GJB5: variants seen among roughly 807,000 people sequenced by gnomAD.
GJB5 encodes the protein gap junction beta-5 protein.
For missense variants in GJB5, 333 were observed against 357.9 expected (o/e 0.93, Z 0.56); for synonymous variants, 146 against 145.5 (o/e 1.00, Z -0.02).
Position 34,757,857 on chromosome 1 carries a change from T to A in GJB5, c.527T>A (p.Phe176Tyr). 6.2e-7 allele frequency: 1 copy of A among 1,613,934 alleles called. No homozygotes were observed. Among genetic ancestry groups the A allele is most frequent in the Middle Eastern group, 1.6e-4 (1 of 6,062 alleles). ...CCATGTCCCAATATAGTGGACTGCT[T>A]CATCTCCAAGCCCTCAGAGAAGAAC... is the stretch of plus-strand genomic sequence containing the variant. ...ADPCPNIVDC[F>Y]ISKPSEKNIF... The change falls in exon 2 of 2, where the codon TTC becomes TAC. Residue 176 changes from phenylalanine (F) to tyrosine (Y), a missense_variant. Coordinates refer to ENST00000338513, the MANE Select transcript of GJB5 (RefSeq NM_005268.4).
At chr1:34,756,526 C>T (rs866206591) in intron 1 of GJB5, among the ~76,000 whole-genome samples, 1 of 152,230 alleles carries the variant, frequency 6.6e-6, no homozygotes, top group Non-Finnish European at 1.5e-5. Context: ...TTTAACTTTA[C>T]TAAACCCAAT....
In GJB5 at chr1:34,755,179, G is replaced by C. The variant is rs926266508; in HGVS notation, c.-41G>C. 6 of 152,404 alleles carry C rather than the reference G, an allele frequency of 3.9e-5. No individual in the cohort carries two copies. Among genetic ancestry groups the C allele is most frequent in the African/African-American group, 1.4e-4 (6 of 41,476 alleles). 9.4% of individuals were successfully genotyped at this position (152,404 alleles called of 1,614,324 possible). On this transcript the variant is annotated 5_prime_UTR_variant, in exon 1 of 2. Coordinates refer to ENST00000338513, the MANE Select transcript of GJB5 (RefSeq NM_005268.4). ...GGCTGCTGGGAGCCAGGAGAGCCCT[G>C]AGGAGTAGTCACTCAGGTAAGGGCA...
At chr1:34,757,279 G>A in intron 1 of GJB5, 28 bp from the exon 2 acceptor site, 1 of 1,237,404 alleles carries the variant, frequency 8.1e-7, no homozygotes, top group South Asian at 1.3e-5. Context: ...GATAAATGTA[G>A]GAAATGATTG....
rs747813567 is a variant in GJB5 at position 34,757,609 on chromosome 1, G to T, written c.279G>T (p.Met93Ile). The stretch of plus-strand genomic sequence containing the variant: ...CATGCCCCTCACTGCTCGTGGTCAT[G>T]CACGTGGCCTACCGGGAGGTTCAGG... ...LVTCPSLLVV[M>I]HVAYREVQEK... Residue 93 changes from methionine (M) to isoleucine (I), a missense_variant, in exon 2 of 2, where the codon ATG becomes ATT. Transcript: ENST00000338513. The T allele has an allele frequency of 1.2e-6, 2 of 1,613,982 alleles. No homozygotes were observed. The highest frequency in any genetic ancestry group is 1.3e-5 in the African/African-American group (1 of 74,894).
In GJB5 at chr1:34,757,634, G is replaced by A; in HGVS notation, c.304G>A (p.Glu102Lys). The change falls in exon 2 of 2, where the codon GAG (glutamate) becomes AAG (lysine). Residue 102 changes from glutamate to lysine, a missense_variant. Transcript: ENST00000338513. ...GCACGTGGCCTACCGGGAGGTTCAG[G>A]AGAAGAGGCACCGAGAAGCCCATGG... Reference protein sequence around the residue: ...VMHVAYREVQEKRHREAHGEN... With the variant: ...VMHVAYREVQKKRHREAHGEN... 1 of 1,614,090 alleles carries A rather than the reference G, an allele frequency of 6.2e-7. No individual in the cohort carries two copies.
rs771419330 is a variant in GJB5 at position 34,757,367 on chromosome 1, G to T, written c.37G>T (p.Val13Phe). Residue 13 changes from valine to phenylalanine, a missense_variant, in exon 2 of 2, where the codon GTC becomes TTC. Transcript: ENST00000338513. Reference protein sequence around the residue: ...WSIFEGLLSGVNKYSTAFGRI... With the variant: ...WSIFEGLLSGFNKYSTAFGRI... Reference sequence around the variant, plus strand: ...TATCTTTGAGGGACTCCTGAGTGGGGTCAACAAGTACTCCACAGCCTTTGG... The same window carrying T: ...TATCTTTGAGGGACTCCTGAGTGGGTTCAACAAGTACTCCACAGCCTTTGG... The T allele has an allele frequency of 1.2e-6, 2 of 1,614,170 alleles. No homozygotes were observed. The highest frequency in any genetic ancestry group is 1.7e-6 in the Non-Finnish European group (2 of 1,180,014).
At chr1:34,756,913 C>G (rs1639596562) in intron 1 of GJB5, among the ~76,000 whole-genome samples, 1 of 150,976 alleles carries the variant, frequency 6.6e-6, no homozygotes, top group Non-Finnish European at 1.5e-5. Flanking sequence ...CAAGGCTCAG[C>G]CCCCCTGAGG....
In GJB5 at chr1:34,758,447, A is replaced by G. The variant is rs1318692237; in HGVS notation, c.*295A>G. 1 of 463,918 alleles carries G rather than the reference A, an allele frequency of 2.2e-6. No homozygotes were observed. The highest frequency in any genetic ancestry group is 4.1e-6 in the Non-Finnish European group (1 of 246,742). 28.7% of individuals were successfully genotyped at this position (463,918 alleles called of 1,614,324 possible). A position where few individuals can be genotyped will look rare whatever the true frequency, so the allele number is the denominator to read the frequency against. On this transcript the variant is annotated 3_prime_UTR_variant, in exon 2 of 2. Transcript: ENST00000338513. ...GGAGGGCGTTCATAGAAGAACACAC[A>G]TGCGGGCACCTTCATCGTGTGTGGC...
rs755795929 is a variant in GJB5, at chr1:34,757,695, A to G, written c.365A>G (p.Lys122Arg). The stretch of plus-strand genomic sequence containing the variant: ...GGGCGCCTCTACCTGAACCCCGGCA[A>G]GAAGCGGGGTGGGCTCTGGTGGACA... Reference protein sequence around the residue: ...NSGRLYLNPGKKRGGLWWTYV... With the variant: ...NSGRLYLNPGRKRGGLWWTYV... The change falls in exon 2 of 2, where the codon AAG becomes AGG. Residue 122 changes from lysine to arginine, a missense_variant. Coordinates refer to ENST00000338513, the MANE Select transcript of GJB5 (RefSeq NM_005268.4). 1.2e-5 allele frequency: 20 copies of G among 1,613,814 alleles called. No homozygotes were observed. The African/African-American group carries it at 1.9e-4, about 15-fold the overall frequency.
chr1:34,756,499 T>G (rs1384554691), intron 1 of GJB5, among the ~76,000 whole-genome samples: 1 of 152,226 alleles, frequency 6.6e-6, no homozygotes, highest in Middle Eastern at 3.2e-3. Flanking sequence ...TTAGCACGGT[T>G]GAGCAAAAGA....
chr1:34,758,200 C>G lies in GJB5; in HGVS notation c.*48C>G. The G allele has an allele frequency of 7.0e-7, 1 of 1,436,160 alleles. No individual in the cohort carries two copies. The highest frequency in any genetic ancestry group is 2.3e-5 in the East Asian group (1 of 43,700). 89.0% of individuals were successfully genotyped at this position (1,436,160 alleles called of 1,614,324 possible). On this transcript the variant is annotated 3_prime_UTR_variant, in exon 2 of 2. Transcript: ENST00000338513. Reference sequence around the variant, plus strand: ...CAGGTTGGGCCTGGATGGGGAGGCTCTAGCATCTCTCATAGGTGCAACCTG... The same window carrying G: ...CAGGTTGGGCCTGGATGGGGAGGCTGTAGCATCTCTCATAGGTGCAACCTG...
chr1:34,757,984 A>T lies in GJB5; in HGVS notation c.654A>T (p.Ala218=), dbSNP rs769346993. ...GCAAGAGATGCCACGAGTGCCTGGC[A>T]GCAAGGAAAGCTCAAGCCATGTGCA... ...LVSKRCHECL[A]ARKAQAMCTG... Residue 218 remains alanine, a synonymous_variant, in exon 2 of 2, where the codon GCA becomes GCT. Coordinates refer to ENST00000338513, the MANE Select transcript of GJB5 (RefSeq NM_005268.4). 1.2e-6 allele frequency: 2 copies of T among 1,614,110 alleles called. No individual in the cohort carries two copies. The highest frequency in any genetic ancestry group is 1.7e-6 in the Non-Finnish European group (2 of 1,180,020).
In GJB5 at chr1:34,757,855, C is replaced by T. The variant is rs146239883; in HGVS notation, c.525C>T (p.Cys175=). The change falls in exon 2 of 2, where the codon TGC becomes TGT. Residue 175 remains cysteine, a synonymous_variant. Transcript: ENST00000338513. Reference sequence around the variant, plus strand: ...ATCCATGTCCCAATATAGTGGACTGCTTCATCTCCAAGCCCTCAGAGAAGA... The same window carrying T: ...ATCCATGTCCCAATATAGTGGACTGTTTCATCTCCAAGCCCTCAGAGAAGA... ...HADPCPNIVD[C]FISKPSEKNI... 24 of 1,613,962 alleles carry T rather than the reference C, an allele frequency of 1.5e-5. No individual in the cohort carries two copies. The highest frequency in any genetic ancestry group is 1.9e-5 in the Non-Finnish European group (23 of 1,180,008).
rs1403184804 is a variant in GJB5 at position 34,758,078 on chromosome 1, T to C, written c.748T>C (p.Phe250Leu). ...QDDLLSGDLI[F>L]LGSDSHPPLL... Reference sequence around the variant, plus strand: ...CGACCTCCTTTCGGGTGACCTCATCTTTCTGGGCTCAGACAGTCATCCTCC... The same window carrying C: ...CGACCTCCTTTCGGGTGACCTCATCCTTCTGGGCTCAGACAGTCATCCTCC... The change falls in exon 2 of 2, where the codon TTT becomes CTT. Residue 250 changes from phenylalanine (F) to leucine (L), a missense_variant. Transcript: ENST00000338513. The C allele has an allele frequency of 1.2e-6, 2 of 1,613,948 alleles. No individual in the cohort carries two copies. The highest frequency in any genetic ancestry group is 1.7e-5 in the Admixed American group (1 of 59,998).
At position 34,758,221 on chromosome 1, in the gene GJB5, A is replaced by G; in HGVS notation, c.*69A>G. ...GGCTCTAGCATCTCTCATAGGTGCA[A>G]CCTGAGAGTGGGGGAGCTAAGCCAT... is the stretch of plus-strand genomic sequence containing the variant. On this transcript the variant is annotated 3_prime_UTR_variant, in exon 2 of 2. Transcript: ENST00000338513. The G allele has an allele frequency of 8.4e-7, 1 of 1,190,970 alleles. No individual in the cohort carries two copies. The highest frequency in any genetic ancestry group is 1.4e-5 in the South Asian group (1 of 73,156). 73.8% of individuals were successfully genotyped at this position (1,190,970 alleles called of 1,614,324 possible).
At position 34,757,576 on chromosome 1, in the gene GJB5, C is replaced by A. The variant is rs150308339; in HGVS notation, c.246C>A (p.Ile82=). 4.0e-5 allele frequency: 64 copies of A among 1,614,176 alleles called. No individual in the cohort carries two copies. The highest frequency in any genetic ancestry group is 2.4e-4 in the South Asian group (22 of 91,082). Reference sequence around the variant, plus strand: ...TGCGCCTCTGGGCCCTGCAGCTTATCCTGGTGACATGCCCCTCACTGCTCG... The same window carrying A: ...TGCGCCTCTGGGCCCTGCAGCTTATACTGGTGACATGCCCCTCACTGCTCG... ...SHVRLWALQL[I]LVTCPSLLVV... The change falls in exon 2 of 2, where the codon ATC becomes ATA. Residue 82 remains isoleucine (I), a synonymous_variant. Transcript: ENST00000338513.
intron 1 of GJB5, 103 bp from the exon 2 acceptor site, chr1:34,757,204 C>A: frequency 1.5e-6 from 1 of 684,528 alleles, no homozygotes. Flanking sequence ...GAACCCAGCT[C>A]CTCTAGTGAT....
chr1:34,757,958 A>G lies in GJB5; in HGVS notation c.628A>G (p.Ser210Gly). The G allele has an allele frequency of 6.2e-7, 1 of 1,614,040 alleles. No homozygotes were observed. The highest frequency in any genetic ancestry group is 8.5e-7 in the Non-Finnish European group (1 of 1,180,020). Residue 210 changes from serine to glycine, a missense_variant, in exon 2 of 2, where the codon AGC becomes GGC. Coordinates refer to ENST00000338513, the MANE Select transcript of GJB5 (RefSeq NM_005268.4). ...LNLVELIYLVSKRCHECLAAR... is the reference protein window; with the variant it reads ...LNLVELIYLVGKRCHECLAAR... Reference sequence around the variant, plus strand: ...CCTCGTGGAGCTCATCTACCTGGTGAGCAAGAGATGCCACGAGTGCCTGGC... The same window carrying G: ...CCTCGTGGAGCTCATCTACCTGGTGGGCAAGAGATGCCACGAGTGCCTGGC...
intron 1 of GJB5, among the ~76,000 whole-genome samples, chr1:34,757,048 C>T (rs952258632): frequency 7.2e-5 from 11 of 152,100 alleles, no homozygotes; most frequent in Non-Finnish European, 1.3e-4. Flanking sequence ...CTGGACCTGC[C>T]CTTATCCACT....
Sources: allele counts gnomAD v4.1 joint callset (sites outside exome capture counted in the v4.1 genomes callset), GRCh38; gene constraint gnomAD v4.1.1; transcripts MANE v1.5; gene names NCBI Gene and HGNC (gene_info 2026-07-23, HGNC 2026-07-21).